Variants in EYA1 observed in about 807,000 individuals in gnomAD.
EYA1 encodes protein phosphatase EYA1.
Under a neutral mutation model 82.0 loss-of-function variants are expected in EYA1, and 16 were observed. The observed-to-expected ratio is 0.20, with a 90% CI of 0.13 to 0.30. The LOEUF (loss-of-function observed/expected upper bound fraction) is 0.30, where lower values mean the gene tolerates loss of function less well. Ranked by LOEUF, EYA1 falls within the 10% of genes least tolerant of loss-of-function variation. EYA1 has a pLI of 1.00. For missense variants in EYA1, 633 were observed against 730.7 expected (o/e 0.87, Z 1.54); for synonymous variants, 261 against 264.4 (o/e 0.99, Z 0.12).
intron 2 of EYA1, among the ~76,000 whole-genome samples, chr8:71,528,840 GAA>G (rs1814024028): frequency 6.6e-6 from 1 of 152,160 alleles, no homozygotes; most frequent in African/African-American, 2.4e-5. Flanking sequence ...TTACAAATGA[GAA>G]AGAACTGAGG....
intron 2 of EYA1, among the ~76,000 whole-genome samples, chr8:71,399,902 T>C (rs1379592250): frequency 6.6e-6 from 1 of 152,138 alleles, no homozygotes; most frequent in Non-Finnish European, 1.5e-5. Context: ...CAAACTATAC[T>C]ACAAGGCTAC....
upstream of EYA1, among the ~76,000 whole-genome samples, chr8:71,364,174 A>G (rs1051661367): frequency 7.9e-5 from 12 of 151,938 alleles, no homozygotes; most frequent in Non-Finnish European, 1.8e-4. Flanking sequence ...GGTATAGCTC[A>G]TGCTTCATAA....
intron 2 of EYA1, among the ~76,000 whole-genome samples, chr8:71,419,712 T>C (rs2129148117): frequency 6.6e-6 from 1 of 152,258 alleles, no homozygotes; most frequent in Admixed American, 6.5e-5. Flanking sequence ...TTACTAATAT[T>C]AACATTTTAA....
chr8:71,346,610 C>T (rs974784093), intron 3 of EYA1, among the ~76,000 whole-genome samples: 5 of 151,690 alleles, frequency 3.3e-5, no homozygotes, highest in Non-Finnish European at 7.4e-5. Flanking sequence ...GTGGAAGTTG[C>T]TTTATCACTA....
At chr8:71,221,650 A>G (rs754305058) in intron 12 of EYA1, among the ~76,000 whole-genome samples, 10 of 152,196 alleles carry the variant, frequency 6.6e-5, no homozygotes, top group Non-Finnish European at 1.2e-4. Flanking sequence ...GCCACCCACT[A>G]GGAATGTCGG....
chr8:71,351,590 G>A (rs11994952), intron 3 of EYA1, among the ~76,000 whole-genome samples: 7,602 of 152,204 alleles, frequency 0.05, 605 homozygotes, highest in African/African-American at 0.17. Context: ...AACATTTCAT[G>A]TAGGAAATAA....
chr8:71,481,672 C>G (rs1251734948), intron 2 of EYA1, among the ~76,000 whole-genome samples: 1 of 152,092 alleles, frequency 6.6e-6, no homozygotes, highest in Non-Finnish European at 1.5e-5. Context: ...AGTTAATCAA[C>G]AAGAGTTCTC....
chr8:71,280,280 T>C lies in EYA1; in HGVS notation c.827-8383A>G, dbSNP rs1817669457. On this transcript the variant is annotated intron_variant, in intron 9 of 17. Coordinates refer to ENST00000340726, the MANE Select transcript of EYA1 (RefSeq NM_000503.6). ...AAAGAAAAATTCGAAGACCCTACCATTGTCAAGCCATGCTGTTTACTATGT... is the reference window on the plus strand; with the variant it reads ...AAAGAAAAATTCGAAGACCCTACCACTGTCAAGCCATGCTGTTTACTATGT... Among the ~76,000 whole-genome samples the C allele has an allele frequency of 1.3e-5, 2 of 152,188 alleles. 1 individual carries two copies. Among genetic ancestry groups the C allele is most frequent in the South Asian group, 4.1e-4 (2 of 4,824 alleles).
intron 2 of EYA1, among the ~76,000 whole-genome samples, chr8:71,503,725 A>G (rs936350836): frequency 2.6e-5 from 4 of 152,182 alleles, no homozygotes; most frequent in African/African-American, 9.6e-5. Flanking sequence ...TTCTCTCACA[A>G]TCTCATTTAA....
At chr8:71,382,182 T>C (rs1229292162) in intron 2 of EYA1, among the ~76,000 whole-genome samples, 1 of 152,154 alleles carries the variant, frequency 6.6e-6, no homozygotes, top group Non-Finnish European at 1.5e-5. Context: ...GATCTTATAA[T>C]AAAAATGAAG....
At chr8:71,338,935 T>C (rs1034364164) in intron 3 of EYA1, among the ~76,000 whole-genome samples, 1 of 152,190 alleles carries the variant, frequency 6.6e-6, no homozygotes, top group Admixed American at 6.5e-5. Context: ...CCTTTTAGTT[T>C]TGTTTCCTAC....
intron 9 of EYA1, among the ~76,000 whole-genome samples, chr8:71,282,159 A>T (rs537163850): frequency 6.6e-6 from 1 of 152,146 alleles, no homozygotes; most frequent in Admixed American, 6.5e-5. Flanking sequence ...TGATGGGTGG[A>T]CCTTCTGCAC....
intron 2 of EYA1, among the ~76,000 whole-genome samples, chr8:71,455,679 C>T (rs754797230): frequency 9.2e-5 from 14 of 152,152 alleles, no homozygotes; most frequent in Non-Finnish European, 5.9e-5. Flanking sequence ...TCAACATATG[C>T]AGAAAAGGCC....
chr8:71,225,090 T>C, intron 12 of EYA1: 2 of 284,414 alleles, frequency 7.0e-6, no homozygotes, highest in Admixed American at 4.2e-5. Context: ...ATGTTTTTAC[T>C]TGCGTGTTTT....
At chr8:71,446,697 A>C (rs989672007) in intron 2 of EYA1, among the ~76,000 whole-genome samples, 1 of 152,208 alleles carries the variant, frequency 6.6e-6, no homozygotes, top group Admixed American at 6.5e-5. Flanking sequence ...TTATTGCAAC[A>C]GCTGTTATTT....
intron 2 of EYA1, among the ~76,000 whole-genome samples, chr8:71,494,064 A>G (rs1811230929): frequency 6.7e-6 from 1 of 148,774 alleles, no homozygotes; most frequent in South Asian, 2.1e-4. Flanking sequence ...TTATGTTTAC[A>G]AAGGATTAGA....
chr8:71,412,145 C>T (rs1357581102), intron 2 of EYA1, among the ~76,000 whole-genome samples: 11 of 131,652 alleles, frequency 8.4e-5, no homozygotes, highest in Admixed American at 4.1e-4. Flanking sequence ...AACCAAACAC[C>T]GCATATTCTC....
At chr8:71,376,300 A>G (rs1183861306) in intron 2 of EYA1, among the ~76,000 whole-genome samples, 1 of 152,148 alleles carries the variant, frequency 6.6e-6, no homozygotes, top group Non-Finnish European at 1.5e-5. Context: ...AAAGTGAACA[A>G]GAAAGAAAGA....
chr8:71,262,862 T>C (rs1815303747), intron 11 of EYA1, among the ~76,000 whole-genome samples: 1 of 152,234 alleles, frequency 6.6e-6, no homozygotes, highest in Non-Finnish European at 1.5e-5. Context: ...AGATTCTATG[T>C]CACTCTACAG....
Sources: gnomAD v4.1 joint callset for allele counts (sites outside exome capture counted in the v4.1 genomes callset) on GRCh38, gnomAD v4.1.1 for gene constraint, MANE v1.5 for transcripts, NCBI Gene and HGNC (gene_info 2026-07-23, HGNC 2026-07-21) for gene names.